Variants in KIF13B observed in about 807,000 individuals in gnomAD.
KIF13B encodes the protein kinesin-like protein KIF13B.
In KIF13B, 127 loss-of-function variants were observed where a neutral mutation model predicts 222.0. That is an observed-to-expected ratio of 0.57 (90% CI 0.50 to 0.66). The LOEUF is 0.66. Ranked by LOEUF, KIF13B falls within the 30% of genes least tolerant of loss-of-function variation. The pLI is 0.00. For missense variants in KIF13B, 2,173 were observed against 2,379.0 expected (o/e 0.91, Z 1.80); for synonymous variants, 976 against 919.0 (o/e 1.06, Z -1.12).
intron 37 of KIF13B, among the ~76,000 whole-genome samples, chr8:29,080,926 C>A (rs1187140905): frequency 6.6e-6 from 1 of 152,196 alleles, no homozygotes; most frequent in Non-Finnish European, 1.5e-5. Context: ...CGTCTTCTAA[C>A]TCCATTCTCT....
At chr8:29,086,228 GT>G (rs1272898712) in intron 37 of KIF13B, among the ~76,000 whole-genome samples, 1 of 152,194 alleles carries the variant, frequency 6.6e-6, no homozygotes, top group Non-Finnish European at 1.5e-5. Flanking sequence ...GGGGGCTGGG[GT>G]TTTGTTTAGA....
chr8:29,127,953 T>C (rs1488763394), intron 24 of KIF13B, among the ~76,000 whole-genome samples: 1 of 151,790 alleles, frequency 6.6e-6, no homozygotes, highest in Non-Finnish European at 1.5e-5. Context: ...CACTATACAG[T>C]TGTTAAAGTA....
chr8:29,236,661 A>G (rs891099489), intron 2 of KIF13B, among the ~76,000 whole-genome samples: 1 of 152,196 alleles, frequency 6.6e-6, no homozygotes, highest in Non-Finnish European at 1.5e-5. Flanking sequence ...AATTAAAAGT[A>G]TATATAAATT....
At chr8:29,155,021 C>T (rs1563746435) in intron 14 of KIF13B, among the ~76,000 whole-genome samples, 1 of 152,142 alleles carries the variant, frequency 6.6e-6, no homozygotes, top group East Asian at 1.9e-4. Flanking sequence ...AACTCTGTAA[C>T]AGGGGATAAC....
At chr8:29,133,233 C>A (rs1033761707) in intron 22 of KIF13B, among the ~76,000 whole-genome samples, 2 of 152,144 alleles carry the variant, frequency 1.3e-5, no homozygotes, top group African/African-American at 4.8e-5. Flanking sequence ...CTACTTTGGG[C>A]AAAATGACCT....
intron 2 of KIF13B, among the ~76,000 whole-genome samples, chr8:29,220,057 C>T (rs140064511): frequency 2.8e-3 from 426 of 152,006 alleles, no homozygotes; most frequent in African/African-American, 9.7e-3. Context: ...GAGTGATGAC[C>T]CTCTCTCAAA....
chr8:29,176,292 C>T (rs952824531), intron 9 of KIF13B, 113 bp from the exon 10 acceptor site: 7 of 652,184 alleles, frequency 1.1e-5, no homozygotes, highest in Non-Finnish European at 1.9e-5. Context: ...GAGCAGCACC[C>T]TGTCAGCATT....
chr8:29,089,512 T>A (rs535079283), intron 37 of KIF13B, among the ~76,000 whole-genome samples: 2 of 152,316 alleles, frequency 1.3e-5, no homozygotes, highest in East Asian at 3.9e-4. Flanking sequence ...CCAGGCACCA[T>A]TCTGGCACAA....
intron 36 of KIF13B, among the ~76,000 whole-genome samples, chr8:29,096,912 G>A (rs1042326690): frequency 2.3e-4 from 35 of 152,060 alleles, no homozygotes; most frequent in African/African-American, 8.5e-4. Context: ...AGGAGTTACA[G>A]TGAAACAAAA....
chr8:29,160,409 T>C (rs1406458332), intron 13 of KIF13B, among the ~76,000 whole-genome samples: 1 of 152,224 alleles, frequency 6.6e-6, no homozygotes, highest in Non-Finnish European at 1.5e-5. Flanking sequence ...ATAAAAGCTT[T>C]CGTATACTTA....
Position 29,160,740 on chromosome 8 carries a change from T to G in KIF13B, c.1397A>C (p.Tyr466Ser), listed in dbSNP as rs1290199822. ...CAAAGCACATTACTTCACCTTTAAA[T>G]AGTACACCAGAAGCTCATTCAGAGC... is the stretch of plus-strand genomic sequence containing the variant. ...DPALNELLVY[Y>S]LKEHTLIGSA... is the part of the protein sequence containing the mutation. The change falls in exon 13 of 40, where the codon TAT (tyrosine) becomes TCT (serine). Residue 466 changes from tyrosine to serine, a missense_variant. Coordinates refer to ENST00000524189, the MANE Select transcript of KIF13B (RefSeq NM_015254.4). 6.2e-7 allele frequency: 1 copy of G among 1,613,014 alleles called. No individual in the cohort carries two copies. Among genetic ancestry groups the G allele is most frequent in the Admixed American group, 1.7e-5 (1 of 59,888 alleles).
In KIF13B at chr8:29,071,335, G is replaced by A. The variant is rs922401307; in HGVS notation, c.5218+285C>T. On this transcript the variant is annotated intron_variant, in intron 39 of 39. Coordinates refer to ENST00000524189, the MANE Select transcript of KIF13B (RefSeq NM_015254.4). The surrounding 1 kb of genome is among the most constrained non-coding windows in gnomAD (Gnocchi z 4.9). ...GAAAGCAGAGCCCAGGGAGTGCAGA[G>A]GGCAGGGGAGACCGGAACAAAAGCG... Among the ~76,000 whole-genome samples the A allele has an allele frequency of 1.3e-5, 2 of 152,162 alleles. No individual in the cohort carries two copies. Among genetic ancestry groups the A allele is most frequent in the African/African-American group, 2.4e-5 (1 of 41,424 alleles).
chr8:29,190,911 G>T, intron 4 of KIF13B, 86 bp downstream of exon 4: 1 of 979,492 alleles, frequency 1.0e-6, no homozygotes, highest in Non-Finnish European at 1.7e-6. Context: ...CAGTTTGGGG[G>T]GTTTGCCAAG....
intron 36 of KIF13B, 89 bp from the exon 37 acceptor site, chr8:29,092,967 C>A: frequency 8.2e-7 from 1 of 1,216,012 alleles, no homozygotes; most frequent in Non-Finnish European, 1.1e-6. Flanking sequence ...CACTTGTCAG[C>A]AAATCTAACA....
chr8:29,195,773 C>T (rs761123229), intron 3 of KIF13B, among the ~76,000 whole-genome samples: 16 of 152,230 alleles, frequency 1.1e-4, no homozygotes, highest in Admixed American at 3.9e-4. Flanking sequence ...TCGGTTTTGA[C>T]CGCAGTTTGG....
intron 30 of KIF13B, among the ~76,000 whole-genome samples, chr8:29,117,358 TCACA>T (rs965466417): frequency 2.0e-5 from 3 of 152,136 alleles, no homozygotes; most frequent in African/African-American, 7.2e-5. Context: ...TTCTCACAAC[TCACA>T]CACACACATT....
At chr8:29,193,210 A>T (rs1813267303) in intron 3 of KIF13B, among the ~76,000 whole-genome samples, 1 of 152,188 alleles carries the variant, frequency 6.6e-6, no homozygotes, top group East Asian at 1.9e-4. Context: ...TGGGCCCAGA[A>T]GACATCATCC....
chr8:29,128,962 T>G (rs975768454), intron 24 of KIF13B, among the ~76,000 whole-genome samples: 5 of 152,228 alleles, frequency 3.3e-5, no homozygotes, highest in African/African-American at 1.2e-4. Context: ...TTCTGCAACC[T>G]GTTCTCTTCC....
At position 29,140,164 on chromosome 8, in the gene KIF13B, T is replaced by A. The variant is rs757698662; in HGVS notation, c.2512A>T (p.Met838Leu). ...TCCCCAACATCACCACTGAGTCGCA[T>A]CACCTCCACGTGCAGCCGACCTGCC... ...EVAGRLHVEV[M>L]RLSGDVGERI... Residue 838 changes from methionine (M) to leucine (L), a missense_variant, in exon 21 of 40, where the codon ATG (methionine) becomes TTG (leucine). Around this residue, in one of 2 missense-constraint regions of KIF13B, gnomAD observed 1,480 missense variants for 1,722.8 expected, o/e 0.86. Transcript: ENST00000524189. 11 of 1,613,648 alleles carry A rather than the reference T, an allele frequency of 6.8e-6. No individual in the cohort carries two copies. The South Asian group carries it at 1.2e-4, about 18-fold the overall frequency.
Sources: gnomAD v4.1 joint callset for allele counts (sites outside exome capture counted in the v4.1 genomes callset) on GRCh38, gnomAD v4.1.1 for gene constraint, gnomAD v4.1.1 regional missense constraint, Gnocchi (gnomAD v3.1) non-coding constraint, MANE v1.5 for transcripts, NCBI Gene and HGNC (gene_info 2026-07-23, HGNC 2026-07-21) for gene names.